The following SUGCT variants were observed in gnomAD, a reference collection of about 807,000 sequenced individuals.
SUGCT encodes succinyl-CoA:glutarate-CoA transferase.
A neutral mutation model predicts 55.0 loss-of-function variants in SUGCT; 41 were observed. The ratio of observed to expected loss-of-function variants is 0.74; its 90% CI spans 0.58 to 0.97. The LOEUF (loss-of-function observed/expected upper bound fraction) is 0.97, where lower values mean the gene tolerates loss of function less well. Among genes scored for constraint, SUGCT ranks in the 50% least tolerant of loss-of-function variants. The probability of loss-of-function intolerance (pLI) is 0.00; values close to 1 mark genes in which losing one functional copy is unlikely to be tolerated. For synonymous variants in SUGCT, 187 were observed against 200.4 expected (o/e 0.93, Z 0.56); for missense variants, 568 against 547.8 (o/e 1.04, Z -0.37).
At chr7:40,876,330 G>A in the SUGCT span, among the ~76,000 whole-genome samples, 164 of 152,190 alleles carry the variant, frequency 1.1e-3, no homozygotes, top group African/African-American at 1.7e-3. Context: ...ATAGAACCAT[G>A]CATGCCAGAG....
intron 12 of SUGCT, among the ~76,000 whole-genome samples, chr7:40,581,056 T>C (rs990664223): frequency 6.6e-6 from 1 of 152,254 alleles, no homozygotes; most frequent in Non-Finnish European, 1.5e-5. Flanking sequence ...ATTATGACAC[T>C]GTATTTTACT....
At chr7:40,633,642 A>G (rs1026368255) in intron 12 of SUGCT, among the ~76,000 whole-genome samples, 2 of 152,228 alleles carry the variant, frequency 1.3e-5, no homozygotes, top group Non-Finnish European at 1.5e-5. Flanking sequence ...TCACCTGGCC[A>G]GAAAGTTGTT....
At chr7:40,422,138 G>C (rs1054625399) in intron 9 of SUGCT, among the ~76,000 whole-genome samples, 6 of 148,242 alleles carry the variant, frequency 4.0e-5, no homozygotes, top group African/African-American at 7.5e-5. Flanking sequence ...GGATTTAAAG[G>C]CTTCTAAATC....
intron 12 of SUGCT, among the ~76,000 whole-genome samples, chr7:40,639,804 C>T (rs1205236257): frequency 6.6e-6 from 1 of 151,988 alleles, no homozygotes; most frequent in Non-Finnish European, 1.5e-5. Context: ...TGAGCCACTG[C>T]GTCTGGCTTG....
intron 12 of SUGCT, among the ~76,000 whole-genome samples, chr7:40,506,371 C>G (rs1314702885): frequency 6.6e-6 from 1 of 152,016 alleles, no homozygotes; most frequent in Non-Finnish European, 1.5e-5. Flanking sequence ...GGTAATCTTA[C>G]TAGATTCCCT....
the SUGCT span, among the ~76,000 whole-genome samples, chr7:41,009,435 A>C: frequency 5.9e-5 from 9 of 152,150 alleles, no homozygotes; most frequent in African/African-American, 2.2e-4. Context: ...TAAAGCCATG[A>C]ATCTTCTTGT....
intron 12 of SUGCT, among the ~76,000 whole-genome samples, chr7:40,550,336 G>A (rs1376588998): frequency 2.0e-5 from 3 of 152,220 alleles, no homozygotes; most frequent in Non-Finnish European, 2.9e-5. Context: ...AGTGTTGCTA[G>A]TGTTACTAAG....
At chr7:40,252,210 G>T (rs1790475113) in intron 7 of SUGCT, among the ~76,000 whole-genome samples, 1 of 152,046 alleles carries the variant, frequency 6.6e-6, no homozygotes, top group Non-Finnish European at 1.5e-5. Context: ...TCACTGCAGC[G>T]TCGAGCTCCT....
chr7:40,580,652 A>G (rs1797037946), intron 12 of SUGCT, among the ~76,000 whole-genome samples: 1 of 152,202 alleles, frequency 6.6e-6, no homozygotes, highest in Non-Finnish European at 1.5e-5. Context: ...GGGTAAAAAG[A>G]AAGGCACAGG....
chr7:40,135,111 C>G lies in SUGCT; in HGVS notation c.91C>G (p.Pro31Ala). 1 of 1,555,294 alleles carries G rather than the reference C, an allele frequency of 6.4e-7. No individual in the cohort carries two copies. The highest frequency in any genetic ancestry group is 8.7e-7 in the Non-Finnish European group (1 of 1,150,624). Residue 31 changes from proline to alanine, a missense_variant, in exon 1 of 14, where the codon CCG (proline) becomes GCG (alanine). Physicochemically the swap from Pro to Ala is conservative, Grantham distance 27. Coordinates refer to ENST00000335693, the MANE Select transcript of SUGCT (RefSeq NM_001193313.2). ...CGGGAGGGGGCTGTGGACTGGCCGC[C>G]CGCAGTCAGGTACCCTCCGAGATTC... ...GGGRGLWTGRPQSDMNNIKPL... is the reference protein window; with the variant it reads ...GGGRGLWTGRAQSDMNNIKPL...
chr7:40,244,011 A>G (rs967499429), intron 7 of SUGCT, among the ~76,000 whole-genome samples: 2 of 151,972 alleles, frequency 1.3e-5, no homozygotes, highest in East Asian at 3.9e-4. Context: ...TGTCTCTACT[A>G]AAAATACAAA....
At chr7:40,292,442 A>AT (rs1793849315) in intron 8 of SUGCT, among the ~76,000 whole-genome samples, 2 of 152,126 alleles carry the variant, frequency 1.3e-5, no homozygotes, top group South Asian at 4.1e-4. Context: ...ATTCAGATGC[A>AT]TTTTGAGGTT....
At chr7:40,624,048 G>A (rs1370202174) in intron 12 of SUGCT, among the ~76,000 whole-genome samples, 1 of 152,178 alleles carries the variant, frequency 6.6e-6, no homozygotes, top group Non-Finnish European at 1.5e-5. Flanking sequence ...CGTTAAACAG[G>A]TCATGGGCTA....
intron 9 of SUGCT, among the ~76,000 whole-genome samples, chr7:40,364,089 G>C (rs1783794127): frequency 6.7e-6 from 1 of 149,904 alleles, no homozygotes; most frequent in African/African-American, 2.4e-5. Flanking sequence ...TGTCTCTTTT[G>C]ATCTTTGTTG....
intron 1 of SUGCT, among the ~76,000 whole-genome samples, chr7:40,176,566 A>T (rs537540313): frequency 2.6e-4 from 40 of 152,198 alleles, no homozygotes; most frequent in African/African-American, 9.4e-4. Flanking sequence ...TTGCCCAGAG[A>T]TAACAAATTT....
intron 8 of SUGCT, among the ~76,000 whole-genome samples, chr7:40,286,055 A>T (rs1793318918): frequency 6.6e-6 from 1 of 152,174 alleles, no homozygotes; most frequent in Non-Finnish European, 1.5e-5. Context: ...TTAGGAAGTA[A>T]GAAATTAAGT....
chr7:40,317,794 G>A (rs940611325), intron 9 of SUGCT, among the ~76,000 whole-genome samples: 6 of 152,068 alleles, frequency 3.9e-5, no homozygotes, highest in East Asian at 1.9e-4. Context: ...TTTTAAAATC[G>A]GAATTTGAGG....
intron 9 of SUGCT, among the ~76,000 whole-genome samples, chr7:40,377,205 TTTCTTTTCTTTC>T (rs1784628518): frequency 3.6e-4 from 2 of 5,510 alleles, no homozygotes; most frequent in Admixed American, 6.1e-3. Context: ...TTTCTTTTCT[TTTCTTTTCTTTC>T]TTTTCTTTCT....
intron 9 of SUGCT, among the ~76,000 whole-genome samples, chr7:40,423,505 C>A (rs1212681966): frequency 6.6e-6 from 1 of 151,964 alleles, no homozygotes; most frequent in East Asian, 1.9e-4. Context: ...TTTTAAAAAT[C>A]TTTTTCCAAA....
Sources: allele counts gnomAD v4.1 joint callset (sites outside exome capture counted in the v4.1 genomes callset), GRCh38; gene constraint gnomAD v4.1.1; transcripts MANE v1.5; gene names NCBI Gene and HGNC (gene_info 2026-07-23, HGNC 2026-07-21).